The following CENPN variants were observed in gnomAD, a reference collection of about 807,000 sequenced individuals.
CENPN encodes the protein centromere protein N.
In CENPN, 36 loss-of-function variants were observed where a neutral mutation model predicts 48.6. That is an observed-to-expected ratio of 0.74 (90% CI 0.57 to 0.98). The LOEUF is 0.98. Among genes scored for constraint, CENPN ranks in the 50% least tolerant of loss-of-function variants. The pLI is 0.00. For synonymous variants in CENPN, 166 were observed against 135.2 expected (o/e 1.23, Z -1.58); for missense variants, 439 against 399.2 (o/e 1.10, Z -0.85).
chr16:81,017,925 G>A (rs1970001132), intron 5 of CENPN, 91 bp downstream of exon 5: 2 of 727,538 alleles, frequency 2.7e-6, no homozygotes, highest in African/African-American at 3.7e-5. Flanking sequence ...TTTTTAATTT[G>A]TAAGAAATTC....
At position 81,031,208 on chromosome 16, in the gene CENPN, C is replaced by A. The variant is rs556690207; in HGVS notation, c.*2557C>A. On this transcript the variant is annotated 3_prime_UTR_variant, in exon 11 of 11. Coordinates refer to ENST00000305850, the MANE Select transcript of CENPN (RefSeq NM_001100624.3). The stretch of plus-strand genomic sequence containing the variant: ...AAACAATACAGGAGCTTACCTTGAA[C>A]CTTTGAATTGGGCCAAATTGCGATG... 40 of 151,342 alleles carry A rather than the reference C, an allele frequency of 2.6e-4. No individual in the cohort carries two copies. The highest frequency in any genetic ancestry group is 9.0e-4 in the African/African-American group (37 of 41,230). The allele number at this position is 151,342 out of a possible 1,614,324, so 9.4% of individuals were successfully genotyped here.
At chr16:81,026,211 G>A (rs571190796) in intron 8 of CENPN, among the ~76,000 whole-genome samples, 12 of 147,434 alleles carry the variant, frequency 8.1e-5, no homozygotes, top group African/African-American at 1.5e-4. Flanking sequence ...ATATGTGTGT[G>A]TATATATATA....
chr16:81,013,721 CAA>C (rs974279432), intron 2 of CENPN, among the ~76,000 whole-genome samples: 4 of 137,152 alleles, frequency 2.9e-5, no homozygotes, highest in African/African-American at 8.1e-5. Context: ...ACTCTGTCTC[CAA>C]AAAAAAAAAG....
intron 3 of CENPN, among the ~76,000 whole-genome samples, chr16:81,015,816 G>T (rs1425974399): frequency 6.6e-6 from 1 of 152,158 alleles, no homozygotes; most frequent in Admixed American, 6.5e-5. Context: ...GACCAGCCTG[G>T]CCACTATGGT....
chr16:81,009,400 G>A (rs1159458214), intron 1 of CENPN, among the ~76,000 whole-genome samples: 1 of 152,160 alleles, frequency 6.6e-6, no homozygotes, highest in East Asian at 1.9e-4. Context: ...TCCTTCTCTA[G>A]AGATTATTTA....
intron 10 of CENPN, 95 bp from the exon 11 acceptor site, chr16:81,028,474 C>G: frequency 6.5e-7 from 1 of 1,549,448 alleles, no homozygotes; most frequent in Non-Finnish European, 8.7e-7. Flanking sequence ...CTATGATCCA[C>G]CCTCTAATCT....
At chr16:81,028,348 A>G (rs766313499) in intron 10 of CENPN, 51 bp downstream of exon 10, 5 of 1,600,478 alleles carry the variant, frequency 3.1e-6, no homozygotes, top group Non-Finnish European at 4.3e-6. Flanking sequence ...ACATGCCTCC[A>G]TTCCATCCTT....
At chr16:81,012,943 C>T (rs963037145) in intron 2 of CENPN, among the ~76,000 whole-genome samples, 4 of 152,036 alleles carry the variant, frequency 2.6e-5, no homozygotes, top group African/African-American at 9.7e-5. Context: ...ATTCTACTTA[C>T]AGAAATTTAT....
chr16:81,010,115 C>T (rs1289088239), intron 1 of CENPN, among the ~76,000 whole-genome samples: 2 of 152,300 alleles, frequency 1.3e-5, no homozygotes, highest in South Asian at 2.1e-4. Context: ...AGGAGAATCA[C>T]TTGAACCAGG....
chr16:81,009,447 G>A (rs1179059706), intron 1 of CENPN, among the ~76,000 whole-genome samples: 1 of 152,176 alleles, frequency 6.6e-6, no homozygotes, highest in African/African-American at 2.4e-5. Context: ...AAACCAAGGA[G>A]AGGGAAGCAG....
In CENPN at chr16:81,029,689, C is replaced by CCT. The variant is rs1471906023; in HGVS notation, c.*1040_*1041dup. On this transcript the variant is annotated 3_prime_UTR_variant, in exon 11 of 11. Coordinates refer to ENST00000305850, the MANE Select transcript of CENPN (RefSeq NM_001100624.3). ...CTCCTGGGTTGAAGAGATTCTCCTG[C>CCT]CTCAGCCTCTGAGTAGCTGGGACTA... Among the ~76,000 whole-genome samples the CCT allele has an allele frequency of 6.6e-6, 1 of 152,170 alleles. No individual in the cohort carries two copies. Among genetic ancestry groups the CCT allele is most frequent in the Admixed American group, 6.5e-5 (1 of 15,276 alleles).
At chr16:81,021,335 G>A (rs531670136) in intron 6 of CENPN, among the ~76,000 whole-genome samples, 2 of 152,198 alleles carry the variant, frequency 1.3e-5, no homozygotes, top group East Asian at 3.9e-4. Flanking sequence ...CCCAAAGTTA[G>A]TTCTCCCTAA....
chr16:81,032,201 A>G (rs1216030111), downstream of CENPN, among the ~76,000 whole-genome samples: 5 of 152,196 alleles, frequency 3.3e-5, no homozygotes, highest in African/African-American at 1.2e-4. Flanking sequence ...TCTGTCCTTC[A>G]AATCTCATTA....
rs1306845771 is a variant in CENPN at position 81,024,951 on chromosome 16, C to T, written c.697+173C>T. On this transcript the variant is annotated intron_variant, in intron 8 of 10. Transcript: ENST00000305850. ...AGGAAAGCTAATCTACCATAGTTCT[C>T]CTTTAGAATTTACTAGAATAACAAT... 2.0e-5 allele frequency among the ~76,000 whole-genome samples: 3 copies of T among 152,082 alleles called. No individual in the cohort carries two copies. In the East Asian group the frequency reaches 5.8e-4, roughly 29 times the overall value.
Position 81,012,084 on chromosome 16 carries a change from G to A in CENPN, c.145G>A (p.Val49Ile). The A allele has an allele frequency of 1.2e-6, 2 of 1,614,122 alleles. No homozygotes were observed. The highest frequency in any genetic ancestry group is 1.7e-6 in the Non-Finnish European group (2 of 1,180,016). The change falls in exon 2 of 11, where the codon GTT becomes ATT. Residue 49 changes from valine to isoleucine, a missense_variant. Coordinates refer to ENST00000305850, the MANE Select transcript of CENPN (RefSeq NM_001100624.3). ...TTTCCGACAGAGAAAGGAATCTGTA[G>A]TTCAGCACTTGATCCATCTGTGTGA... ...VNFRQRKESVVQHLIHLCEEK... is the reference protein window; with the variant it reads ...VNFRQRKESVIQHLIHLCEEK...
chr16:81,014,196 T>C lies in CENPN; in HGVS notation c.217+15T>C, dbSNP rs760289575. On this transcript the variant is annotated intron_variant, in intron 3 of 10. Transcript: ENST00000305850. Reference sequence around the variant, plus strand: ...AGACATCATTTGTAAGTGTCAGTGATTTGTATTTATACTTAACCAATCAGT... The same window carrying C: ...AGACATCATTTGTAAGTGTCAGTGACTTGTATTTATACTTAACCAATCAGT... 21 of 1,606,306 alleles carry C rather than the reference T, an allele frequency of 1.3e-5. No individual in the cohort carries two copies. In the South Asian group the frequency reaches 2.3e-4, roughly 18 times the overall value.
chr16:81,026,113 A>G (rs1174430689), intron 8 of CENPN, among the ~76,000 whole-genome samples: 7 of 140,672 alleles, frequency 5.0e-5, no homozygotes, highest in Admixed American at 3.8e-4. Context: ...GTGTATATAT[A>G]TATGTATATA....
Position 81,026,536 on chromosome 16 carries a change from G to C in CENPN, c.708G>C (p.Arg236Ser). The change falls in exon 9 of 11, where the codon AGG becomes AGC. Residue 236 changes from arginine to serine, a missense_variant. Arg to Ser is a moderately radical substitution (Grantham distance 110, BLOSUM62 -1). Transcript: ENST00000305850. ...ATCTTCCACCCATAGTGGATTCAAG[G>C]ATCATTCATGAAAACATAGTAGAAA... ...SLGLDINMDS[R>S]IIHENIVEKE... 1 of 1,568,642 alleles carries C rather than the reference G, an allele frequency of 6.4e-7. No homozygotes were observed. The highest frequency in any genetic ancestry group is 8.8e-7 in the Non-Finnish European group (1 of 1,142,656).
chr16:81,017,749 C>A lies in CENPN; in HGVS notation c.278-9C>A. 6.4e-7 allele frequency: 1 copy of A among 1,572,906 alleles called. No homozygotes were observed. Among genetic ancestry groups the A allele is most frequent in the Non-Finnish European group, 8.6e-7 (1 of 1,160,152 alleles). On this transcript the variant is annotated splice_polypyrimidine_tract_variant and intron_variant, in intron 4 of 10. Coordinates refer to ENST00000305850, the MANE Select transcript of CENPN (RefSeq NM_001100624.3). ...TTGATTTTTCTTTATTTTTTTTTCA[C>A]TTTGGCAGGTGAAGATGTTGACCTT...
Sources: gnomAD v4.1 joint callset for allele counts (sites outside exome capture counted in the v4.1 genomes callset) on GRCh38, gnomAD v4.1.1 for gene constraint, MANE v1.5 for transcripts, NCBI Gene and HGNC (gene_info 2026-07-23, HGNC 2026-07-21) for gene names.